Variants in DENND1A observed in about 807,000 individuals in gnomAD.
The protein encoded by DENND1A is DENN domain-containing protein 1A.
In DENND1A, 51 loss-of-function variants were observed where a neutral mutation model predicts 113.7. The observed-to-expected ratio is 0.45, with a 90% CI of 0.36 to 0.57. The LOEUF is 0.57. Ranked by LOEUF, DENND1A falls within the 20% of genes least tolerant of loss-of-function variation. The pLI is 0.00. For synonymous variants in DENND1A, 565 were observed against 570.8 expected (o/e 0.99, Z 0.14); for missense variants, 1,258 against 1,395.9 (o/e 0.90, Z 1.57).
chr9:123,387,641 G>C, intron 22 of DENND1A, 89 bp downstream of exon 22: 1 of 1,255,752 alleles, frequency 8.0e-7, no homozygotes, highest in Non-Finnish European at 1.0e-6. Flanking sequence ...CCGACACAAA[G>C]GCAAGCAGCA....
At chr9:123,610,931 G>T (rs2060390449) in intron 10 of DENND1A, among the ~76,000 whole-genome samples, 1 of 152,088 alleles carries the variant, frequency 6.6e-6, no homozygotes, top group Non-Finnish European at 1.5e-5. Flanking sequence ...AATAAGAAAG[G>T]ACACAATTCC....
At chr9:123,636,821 C>T (rs1036574948) in intron 9 of DENND1A, among the ~76,000 whole-genome samples, 18 of 151,666 alleles carry the variant, frequency 1.2e-4, no homozygotes, top group East Asian at 5.8e-4. Context: ...CTCAGCCTCC[C>T]GAGTCGCTGG....
rs868211703 is a variant in DENND1A at position 123,590,861 on chromosome 9, T to C, written c.766-7591A>G. ...CTCTCCAGAACACAGAATAAAATCA[T>C]AGCCAACCATACAAGGTAAGAGTGT... On this transcript the variant is annotated intron_variant, in intron 11 of 23. Transcript: ENST00000394215. 3.3e-5 allele frequency among the ~76,000 whole-genome samples: 5 copies of C among 152,318 alleles called. No individual in the cohort carries two copies. In the East Asian group the frequency reaches 9.6e-4, roughly 29 times the overall value.
At chr9:123,406,081 C>T (rs368126594) in intron 20 of DENND1A, among the ~76,000 whole-genome samples, 4 of 152,376 alleles carry the variant, frequency 2.6e-5, no homozygotes, top group South Asian at 4.1e-4. Context: ...CCCCCCACCC[C>T]CCAGAAGCTT....
chr9:123,515,356 T>G (rs1381496307), intron 13 of DENND1A, among the ~76,000 whole-genome samples: 1 of 152,256 alleles, frequency 6.6e-6, no homozygotes, highest in Non-Finnish European at 1.5e-5. Context: ...AATGGCTTTA[T>G]GATTAGGATA....
intron 10 of DENND1A, among the ~76,000 whole-genome samples, chr9:123,621,799 T>C (rs2060977265): frequency 6.6e-6 from 1 of 152,236 alleles, no homozygotes; most frequent in Non-Finnish European, 1.5e-5. Context: ...CAAAATTTCA[T>C]GGCACCGATG....
At chr9:123,584,057 T>C (rs886867956) in intron 11 of DENND1A, among the ~76,000 whole-genome samples, 2 of 152,150 alleles carry the variant, frequency 1.3e-5, no homozygotes, top group Non-Finnish European at 2.9e-5. Flanking sequence ...AATCACACTA[T>C]TTATCCGCTA....
chr9:123,635,451 C>A (rs1477410716), intron 9 of DENND1A, among the ~76,000 whole-genome samples: 3 of 152,242 alleles, frequency 2.0e-5, no homozygotes, highest in African/African-American at 7.2e-5. Flanking sequence ...TGTGTTTCCA[C>A]AATGCATAAT....
chr9:123,670,600 C>T (rs1354458208), intron 7 of DENND1A, among the ~76,000 whole-genome samples: 2 of 152,152 alleles, frequency 1.3e-5, no homozygotes, highest in African/African-American at 4.8e-5. Context: ...CATGTAATAG[C>T]AGTATATATT....
At chr9:123,393,771 C>T (rs886524266) in intron 21 of DENND1A, among the ~76,000 whole-genome samples, 5 of 152,130 alleles carry the variant, frequency 3.3e-5, no homozygotes, top group African/African-American at 7.2e-5. Flanking sequence ...AAAGCAACGA[C>T]GATAAGAATT....
chr9:123,910,522 T>G (rs1853761956), intron 1 of DENND1A, among the ~76,000 whole-genome samples: 1 of 152,166 alleles, frequency 6.6e-6, no homozygotes, highest in African/African-American at 2.4e-5. Context: ...GCTTCTAGGA[T>G]AAAACAAACA....
chr9:123,665,737 G>A (rs2063463448), intron 8 of DENND1A, among the ~76,000 whole-genome samples: 2 of 152,182 alleles, frequency 1.3e-5, no homozygotes, highest in Admixed American at 6.5e-5. Context: ...ACAGGCATTT[G>A]TACGCCAATG....
At chr9:123,688,233 G>T (rs966218755) in intron 5 of DENND1A, among the ~76,000 whole-genome samples, 1 of 152,164 alleles carries the variant, frequency 6.6e-6, no homozygotes. Context: ...GTCGAATCCA[G>T]TTCTGTGTGA....
intron 5 of DENND1A, among the ~76,000 whole-genome samples, chr9:123,677,066 A>T (rs2064123725): frequency 6.6e-6 from 1 of 152,172 alleles, no homozygotes; most frequent in South Asian, 2.1e-4. Flanking sequence ...CCGACTCCAC[A>T]ATCAGGCACC....
intron 2 of DENND1A, among the ~76,000 whole-genome samples, chr9:123,876,588 TG>T (rs1022555584): frequency 1.3e-5 from 2 of 152,036 alleles, no homozygotes; most frequent in Admixed American, 6.5e-5. Context: ...GTGTATGTAT[TG>T]GGGGGGTGAT....
chr9:123,724,935 G>T (rs535112491), intron 5 of DENND1A, among the ~76,000 whole-genome samples: 1 of 152,202 alleles, frequency 6.6e-6, no homozygotes, highest in East Asian at 1.9e-4. Context: ...AATATGAGAT[G>T]ACTTTATTGC....
chr9:123,659,916 G>A (rs2063144758), intron 8 of DENND1A, among the ~76,000 whole-genome samples: 1 of 152,216 alleles, frequency 6.6e-6, no homozygotes, highest in Non-Finnish European at 1.5e-5. Flanking sequence ...CAGTGATTCT[G>A]TGTCAAAAAC....
chr9:123,556,621 T>A (rs1174904524), intron 13 of DENND1A, among the ~76,000 whole-genome samples: 1 of 152,214 alleles, frequency 6.6e-6, no homozygotes, highest in Non-Finnish European at 1.5e-5. Context: ...GCTGGTCCCT[T>A]ACACCCAACT....
At chr9:123,632,657 C>A (rs369175530) in intron 9 of DENND1A, among the ~76,000 whole-genome samples, 1 of 152,136 alleles carries the variant, frequency 6.6e-6, no homozygotes, top group East Asian at 1.9e-4. Context: ...GATGGCTCCA[C>A]CAGCCCACGG....
Sources: allele counts gnomAD v4.1 joint callset (sites outside exome capture counted in the v4.1 genomes callset), GRCh38; gene constraint gnomAD v4.1.1; transcripts MANE v1.5; gene names NCBI Gene and HGNC (gene_info 2026-07-23, HGNC 2026-07-21).